Variants in REV3L observed in about 807,000 individuals in gnomAD.
REV3L encodes the protein DNA polymerase zeta catalytic subunit.
In REV3L, 69 loss-of-function variants were observed where a neutral mutation model predicts 299.4. The observed-to-expected ratio is 0.23, with a 90% confidence interval of 0.19 to 0.28. REV3L has a LOEUF of 0.28. Ranked by LOEUF, REV3L falls within the 10% of genes least tolerant of loss-of-function variation. REV3L has a pLI of 1.00. For missense variants in REV3L, 3,128 were observed against 3,693.8 expected, an observed-to-expected ratio of 0.85 and a Z score of 3.97; for synonymous variants, 1,238 against 1,271.4, an observed-to-expected ratio of 0.97 and a Z score of 0.56.
chr6:111,426,881 C>T (rs1786244633), intron 1 of REV3L, among the ~76,000 whole-genome samples: 3 of 152,162 alleles, frequency 2.0e-5, no homozygotes, highest in African/African-American at 7.2e-5. Context: ...AAAATGTGCA[C>T]CTTTCAGACT....
At chr6:111,354,553 G>A (rs1012684453) in intron 18 of REV3L, among the ~76,000 whole-genome samples, 1 of 152,118 alleles carries the variant, frequency 6.6e-6, no homozygotes, top group Non-Finnish European at 1.5e-5. Context: ...CCCGGAGGAT[G>A]TTTAGTCTGG....
rs1257706791 is a variant in REV3L at position 111,483,124 on chromosome 6, G to T, written c.-236C>A. ...GGAGAGAAGCCCTCGAGCTTTCGTC[G>T]GTGCTGGTGCTGCCGCCACTGCCGC... is the stretch of plus-strand genomic sequence containing the variant. On this transcript the variant is annotated 5_prime_UTR_variant, in exon 1 of 32. Transcript: ENST00000368802. The T allele has an allele frequency of 2.0e-6, 1 of 496,918 alleles. No individual in the cohort carries two copies. The highest frequency in any genetic ancestry group is 3.4e-6 in the Non-Finnish European group (1 of 289,880). The allele number at this position is 496,918 out of a possible 1,614,324, so 30.8% of individuals were successfully genotyped here.
chr6:111,439,132 T>C (rs982685826), intron 1 of REV3L, among the ~76,000 whole-genome samples: 1 of 152,256 alleles, frequency 6.6e-6, no homozygotes, highest in African/African-American at 2.4e-5. Context: ...ATGTTATACA[T>C]CCTTTTAACA....
At chr6:111,399,479 A>C (rs1323512855) in intron 4 of REV3L, among the ~76,000 whole-genome samples, 1 of 152,130 alleles carries the variant, frequency 6.6e-6, no homozygotes, top group Non-Finnish European at 1.5e-5. Context: ...TTTTTCCACT[A>C]ATGTCCTCTT....
intron 4 of REV3L, among the ~76,000 whole-genome samples, chr6:111,402,140 T>C (rs558957643): frequency 4.6e-5 from 7 of 151,934 alleles, no homozygotes; most frequent in Non-Finnish European, 8.8e-5. Context: ...AAAATAAAAA[T>C]AATATCCTCT....
chr6:111,414,887 C>T (rs2128283291), intron 2 of REV3L, among the ~76,000 whole-genome samples: 1 of 152,228 alleles, frequency 6.6e-6, no homozygotes, highest in East Asian at 1.9e-4. Context: ...GTTCAAGCCA[C>T]ACTATTTTCT....
At chr6:111,432,149 AAGG>A (rs903974231) in intron 1 of REV3L, among the ~76,000 whole-genome samples, 2 of 152,206 alleles carry the variant, frequency 1.3e-5, no homozygotes, top group African/African-American at 4.8e-5. Context: ...AGAAAAAAGG[AAGG>A]AGTTCTAAAA....
chr6:111,379,014 T>C (rs1780572012), intron 11 of REV3L, among the ~76,000 whole-genome samples: 1 of 152,222 alleles, frequency 6.6e-6, no homozygotes, highest in African/African-American at 2.4e-5. Context: ...GCTTCTACTA[T>C]TCAATCTCTC....
intron 20 of REV3L, among the ~76,000 whole-genome samples, chr6:111,347,165 A>G (rs1011102633): frequency 6.6e-6 from 1 of 152,122 alleles, no homozygotes; most frequent in African/African-American, 2.4e-5. Context: ...CCTACTCAGG[A>G]GGCTGAGACA....
In REV3L at chr6:111,310,000, A is replaced by G; in HGVS notation, c.8895T>C (p.Leu2965=). Residue 2965 remains leucine, a synonymous_variant, in exon 30 of 32, where the codon CTT becomes CTC. Transcript: ENST00000368802. The stretch of plus-strand genomic sequence containing the variant: ...GCAGGACTTCCACTGGGCGCCTTAC[A>G]AGCTGGATAAGTGGTACTCCGGGGG... ...YGTPGVPLIQ[L]VRRPVEVLQD... 1 of 1,613,884 alleles carries G rather than the reference A, an allele frequency of 6.2e-7. No individual in the cohort carries two copies. The highest frequency in any genetic ancestry group is 8.5e-7 in the Non-Finnish European group (1 of 1,179,892).
intron 1 of REV3L, among the ~76,000 whole-genome samples, chr6:111,420,139 C>T (rs1198825741): frequency 6.6e-6 from 1 of 152,164 alleles, no homozygotes; most frequent in Non-Finnish European, 1.5e-5. Context: ...GCCACCGCGC[C>T]CGGCCATTTT....
chr6:111,422,529 T>A (rs954029159), intron 1 of REV3L, among the ~76,000 whole-genome samples: 1 of 146,158 alleles, frequency 6.8e-6, no homozygotes, highest in African/African-American at 2.5e-5. Context: ...GACCAGGTGA[T>A]GAGTGATTCT....
intron 1 of REV3L, among the ~76,000 whole-genome samples, chr6:111,416,865 G>A (rs1444078991): frequency 1.3e-5 from 2 of 152,140 alleles, no homozygotes; most frequent in Non-Finnish European, 2.9e-5. Context: ...ATGAATGCCT[G>A]TCTTGGCATT....
Position 111,375,662 on chromosome 6 carries a change from T to G in REV3L, c.2693A>C (p.His898Pro). 1 of 1,613,976 alleles carries G rather than the reference T, an allele frequency of 6.2e-7. No individual in the cohort carries two copies. Among genetic ancestry groups the G allele is most frequent in the Non-Finnish European group, 8.5e-7 (1 of 1,179,914 alleles). ...KTPTDGFIDC[H>P]FGDGTLETEQ... ...AGTTTCTAACGTTCCATCTCCAAAG[T>G]GACAGTCTATAAAACCATCTGTGGG... The change falls in exon 13 of 32, where the codon CAC (histidine) becomes CCC (proline). Residue 898 changes from histidine to proline, a missense_variant. Physicochemically the swap from His to Pro is moderately conservative, Grantham distance 77. This residue lies in a region of REV3L where 2,409 missense variants were observed against 2,611.8 expected (regional missense o/e 0.92). Coordinates refer to ENST00000368802, the MANE Select transcript of REV3L (RefSeq NM_001372078.1).
Position 111,380,154 on chromosome 6 carries a change from C to G in REV3L, c.1282G>C (p.Gly428Arg). Reference protein sequence around the residue: ...LAGLESDGYRGERNRMPSPCR... With the variant: ...LAGLESDGYRRERNRMPSPCR... ...GGTGATGGCATCCTATTTCTTTCCC[C>G]CCGATATCCATCACTTTCCAAACCA... Residue 428 changes from glycine to arginine, a missense_variant, in exon 11 of 32, where the codon GGG (glycine) becomes CGG (arginine). Physicochemically the swap from Gly to Arg is moderately radical, Grantham distance 125. This residue lies in a region of REV3L where 2,409 missense variants were observed against 2,611.8 expected (regional missense o/e 0.92). Coordinates refer to ENST00000368802, the MANE Select transcript of REV3L (RefSeq NM_001372078.1). 1 of 1,614,064 alleles carries G rather than the reference C, an allele frequency of 6.2e-7. No homozygotes were observed. Among genetic ancestry groups the G allele is most frequent in the Non-Finnish European group, 8.5e-7 (1 of 1,179,960 alleles).
chr6:111,432,394 A>T (rs1787043370), intron 1 of REV3L, among the ~76,000 whole-genome samples: 1 of 152,246 alleles, frequency 6.6e-6, no homozygotes, highest in Admixed American at 6.5e-5. Context: ...CTGGAAACAA[A>T]AGCAGGAGTA....
intron 31 of REV3L, among the ~76,000 whole-genome samples, chr6:111,304,239 C>T (rs1401678555): frequency 2.0e-5 from 3 of 147,606 alleles, no homozygotes. Flanking sequence ...ATTTCTGCTT[C>T]ATTAAAAATT....
chr6:111,391,642 T>C (rs972647337), intron 5 of REV3L, among the ~76,000 whole-genome samples: 3 of 152,186 alleles, frequency 2.0e-5, no homozygotes, highest in Non-Finnish European at 4.4e-5. Flanking sequence ...TCAATATAGA[T>C]TGTCAGCTGC....
rs761638789 is a variant in REV3L at position 111,405,609 on chromosome 6, G to A, written c.426C>T (p.Ser142=). 2.6e-5 allele frequency: 41 copies of A among 1,596,704 alleles called. No individual in the cohort carries two copies. The highest frequency in any genetic ancestry group is 1.1e-4 in the Admixed American group (6 of 57,010). ...MVKRICELLQ[S]GAIMNKFYQP... is the part of the protein sequence containing the mutation. ...GGTAAAATTTATTCATTATGGCTCC[G>A]CTTTGCAAAAGTTCACATATCCTAA... is the stretch of plus-strand genomic sequence containing the variant. The change falls in exon 4 of 32, where the codon AGC becomes AGT. Residue 142 remains serine (S), a synonymous_variant. Coordinates refer to ENST00000368802, the MANE Select transcript of REV3L (RefSeq NM_001372078.1).
Sources: gnomAD v4.1 joint callset for allele counts (sites outside exome capture counted in the v4.1 genomes callset) on GRCh38, gnomAD v4.1.1 for gene constraint, gnomAD v4.1.1 regional missense constraint, MANE v1.5 for transcripts, NCBI Gene and HGNC (gene_info 2026-07-23, HGNC 2026-07-21) for gene names.